The following STT3B variants were observed in gnomAD, a reference collection of about 807,000 sequenced individuals.
STT3B encodes the protein dolichyl-diphosphooligosaccharide--protein glycosyltransferase subunit STT3B.
STT3B carries 29 observed loss-of-function variants against 96.8 expected under a neutral mutation model. The observed-to-expected ratio is 0.30, with a 90% CI of 0.22 to 0.41. The LOEUF is 0.41. Ranked by LOEUF, STT3B falls within the 10% of genes least tolerant of loss-of-function variation. STT3B has a pLI of 1.00. For missense variants in STT3B, 640 were observed against 1,022.3 expected (o/e 0.63, Z 5.10); for synonymous variants, 367 against 360.0 (o/e 1.02, Z -0.22).
intron 4 of STT3B, 56 bp from the exon 5 acceptor site, chr3:31,600,304 A>G (rs920571769): frequency 2.0e-5 from 15 of 760,070 alleles, no homozygotes; most frequent in South Asian, 9.0e-5. Context: ...ATTCCTAAAT[A>G]TACTTATTTT....
intron 3 of STT3B, among the ~76,000 whole-genome samples, chr3:31,580,983 C>T (rs1331842306): frequency 2.7e-5 from 4 of 150,108 alleles, no homozygotes; most frequent in African/African-American, 7.3e-5. Flanking sequence ...CTGTTGAATG[C>T]CTTTTAATAA....
chr3:31,560,812 G>A lies in STT3B; in HGVS notation c.315-15584G>A, dbSNP rs141439682. Among the ~76,000 whole-genome samples, 1,485 of 152,102 alleles carry A rather than the reference G, an allele frequency of 9.8e-3. 17 individuals are homozygous for A. Among genetic ancestry groups the A allele is most frequent in the Non-Finnish European group, 0.011 (758 of 67,968 alleles). ...CCAAATCTCTTGCTAGACTTGGGAA[G>A]TTTTCATCTATTATTTTGTTACATA... is the stretch of plus-strand genomic sequence containing the variant. On this transcript the variant is annotated intron_variant, in intron 1 of 15. Coordinates refer to ENST00000295770, the MANE Select transcript of STT3B (RefSeq NM_178862.3).
At chr3:31,565,040 G>A (rs1222603309) in intron 1 of STT3B, among the ~76,000 whole-genome samples, 1 of 152,162 alleles carries the variant, frequency 6.6e-6, no homozygotes, top group African/African-American at 2.4e-5. Context: ...CTTTTAACAT[G>A]CCTGCCTGTC....
At chr3:31,619,601 A>T (rs1483231387) in intron 8 of STT3B, 75 bp from the exon 9 acceptor site, 1 of 1,301,142 alleles carries the variant, frequency 7.7e-7, no homozygotes, top group Non-Finnish European at 1.1e-6. Flanking sequence ...CTACAACCAA[A>T]CAAGATTTCT....
Position 31,630,765 on chromosome 3 carries a change from G to A in STT3B, c.2187+1354G>A, listed in dbSNP as rs941015693. 8.6e-5 allele frequency among the ~76,000 whole-genome samples: 13 copies of A among 150,916 alleles called. 1 individual carries two copies. The highest frequency in any genetic ancestry group is 3.2e-4 in the African/African-American group (13 of 41,114). ...GGGGTGTGTTTGGACCTCAATTTGT[G>A]AATCAAGTTTTACCGTGTTTTTTTG... On this transcript the variant is annotated intron_variant, in intron 14 of 15. Coordinates refer to ENST00000295770, the MANE Select transcript of STT3B (RefSeq NM_178862.3).
chr3:31,534,644 T>A (rs1575400308), intron 1 of STT3B, among the ~76,000 whole-genome samples: 1 of 152,182 alleles, frequency 6.6e-6, no homozygotes, highest in South Asian at 2.1e-4. Context: ...ATATACCAGA[T>A]TTAAGTTCTG....
intron 11 of STT3B, among the ~76,000 whole-genome samples, chr3:31,624,670 CTTT>C (rs35298613): frequency 9.9e-5 from 13 of 131,582 alleles, no homozygotes; most frequent in Admixed American, 3.0e-4. Flanking sequence ...TCAGAATCGG[CTTT>C]TTTTTTTTTT....
chr3:31,628,858 TA>T (rs1699590555), intron 13 of STT3B, among the ~76,000 whole-genome samples: 1 of 152,228 alleles, frequency 6.6e-6, no homozygotes, highest in Non-Finnish European at 1.5e-5. Context: ...CTCAAGTCTG[TA>T]ATCCTAGCAT....
At chr3:31,591,184 A>G (rs918986905) in intron 3 of STT3B, among the ~76,000 whole-genome samples, 36 of 151,956 alleles carry the variant, frequency 2.4e-4, no homozygotes, top group African/African-American at 8.4e-4. Flanking sequence ...AAATTTTTAC[A>G]TTTTCCTGGT....
intron 1 of STT3B, among the ~76,000 whole-genome samples, chr3:31,556,106 TC>T (rs1480174740): frequency 1.3e-5 from 2 of 152,020 alleles, no homozygotes; most frequent in Non-Finnish European, 2.9e-5. Context: ...CTCACTGAGA[TC>T]AACTTTTTTT....
intron 1 of STT3B, among the ~76,000 whole-genome samples, chr3:31,546,274 G>C (rs527558421): frequency 6.7e-6 from 1 of 148,258 alleles, no homozygotes; most frequent in East Asian, 2.1e-4. Flanking sequence ...TCATGTGTCA[G>C]CTGAGGTGCT....
intron 1 of STT3B, among the ~76,000 whole-genome samples, chr3:31,564,885 C>T (rs191040042): frequency 1.0e-3 from 158 of 152,138 alleles, no homozygotes; most frequent in African/African-American, 3.6e-3. Flanking sequence ...GAAGAGATTC[C>T]GAACCAATTG....
Position 31,636,253 on chromosome 3 carries a change from T to TA in STT3B, c.*189_*190insA. On this transcript the variant is annotated 3_prime_UTR_variant, in exon 16 of 16. Transcript: ENST00000295770. ...CTTGTTGAGAACAGCTGTTTTCGAT[T>TA]TCTAATGTGAAGCAAGACAGAGCAC... is the stretch of plus-strand genomic sequence containing the variant. The TA allele has an allele frequency of 2.2e-6, 1 of 451,896 alleles. No individual in the cohort carries two copies. Among genetic ancestry groups the TA allele is most frequent in the Non-Finnish European group, 4.0e-6 (1 of 248,034 alleles). 28.0% of individuals were successfully genotyped at this position (451,896 alleles called of 1,614,324 possible). A position where few individuals can be genotyped will look rare whatever the true frequency, so the allele number is the denominator to read the frequency against.
At chr3:31,573,302 C>T (rs182729166) in intron 1 of STT3B, among the ~76,000 whole-genome samples, 39 of 152,282 alleles carry the variant, frequency 2.6e-4, no homozygotes, top group Admixed American at 2.4e-3. Context: ...AATATGATCA[C>T]ATTTACATTT....
chr3:31,598,507 C>T (rs1290564418), intron 4 of STT3B, among the ~76,000 whole-genome samples: 1 of 152,180 alleles, frequency 6.6e-6, no homozygotes, highest in Non-Finnish European at 1.5e-5. Context: ...GACTGTTCTT[C>T]TGGCCCATTT....
rs1004108290 is a variant in STT3B, at chr3:31,637,597, T to C, written c.*1533T>C. ...GAGAAGTTGTTGACTGTAGGGGAAA[T>C]AAAGTTAATTCAAATTTTGTGTTAA... On this transcript the variant is annotated 3_prime_UTR_variant, in exon 16 of 16. Coordinates refer to ENST00000295770, the MANE Select transcript of STT3B (RefSeq NM_178862.3). 6.6e-6 allele frequency: 1 copy of C among 152,188 alleles called. No homozygotes were observed. The highest frequency in any genetic ancestry group is 2.4e-5 in the African/African-American group (1 of 41,452). 9.4% of individuals were successfully genotyped at this position (152,188 alleles called of 1,614,324 possible).
chr3:31,573,455 TAAG>T (rs1698201931), intron 1 of STT3B, among the ~76,000 whole-genome samples: 1 of 152,150 alleles, frequency 6.6e-6, no homozygotes, highest in African/African-American at 2.4e-5. Context: ...AGTAGCAGAA[TAAG>T]AAAATAGTAT....
At chr3:31,605,188 C>A (rs371678774) in intron 5 of STT3B, among the ~76,000 whole-genome samples, 1 of 151,890 alleles carries the variant, frequency 6.6e-6, no homozygotes, top group African/African-American at 2.4e-5. Context: ...CAGTGTGAAT[C>A]TAAGGAGTGT....
intron 8 of STT3B, among the ~76,000 whole-genome samples, chr3:31,618,767 G>A (rs1699365710): frequency 6.6e-6 from 1 of 151,982 alleles, no homozygotes; most frequent in Admixed American, 6.6e-5. Flanking sequence ...CATACTTCAA[G>A]AGTTCAGCCT....
Sources: allele counts gnomAD v4.1 joint callset (sites outside exome capture counted in the v4.1 genomes callset), GRCh38; gene constraint gnomAD v4.1.1; transcripts MANE v1.5; gene names NCBI Gene and HGNC (gene_info 2026-07-23, HGNC 2026-07-21).